Variants in HYCC1 observed in about 807,000 individuals in gnomAD.
HYCC1 encodes the protein hyccin PI4KA lipid kinase complex subunit 1.
At chr7:22,978,241 G>T in the HYCC1 span, 3 of 1,607,122 alleles carry the variant, frequency 1.9e-6, no homozygotes, top group East Asian at 4.5e-5. Flanking sequence ...TGTCAAAAAA[G>T]ATTTTGTTAA....
chr7:22,966,083 C>A, the HYCC1 span, among the ~76,000 whole-genome samples: 1 of 151,804 alleles, frequency 6.6e-6, no homozygotes, highest in Non-Finnish European at 1.5e-5. Context: ...ATTTAAATGA[C>A]AGGGAAAAAA....
At chr7:22,961,992 GA>G in the HYCC1 span, among the ~76,000 whole-genome samples, 1 of 152,000 alleles carries the variant, frequency 6.6e-6, no homozygotes, top group Non-Finnish European at 1.5e-5. Context: ...ACAAAATAAA[GA>G]GGTATAAATT....
the HYCC1 span, among the ~76,000 whole-genome samples, chr7:22,972,869 T>C: frequency 1.3e-5 from 2 of 152,342 alleles, no homozygotes; most frequent in South Asian, 4.1e-4. Flanking sequence ...AATGAATTTG[T>C]GTGAGCATAG....
chr7:22,920,270 G>T, the HYCC1 span, among the ~76,000 whole-genome samples: 3 of 152,096 alleles, frequency 2.0e-5, no homozygotes, highest in Admixed American at 1.3e-4. Flanking sequence ...TCTCTTCAAT[G>T]CTGCAGTGAG....
chr7:22,976,157 G>A, the HYCC1 span: 3 of 1,074,466 alleles, frequency 2.8e-6, no homozygotes, highest in South Asian at 3.7e-5. Flanking sequence ...TACCAGACTA[G>A]CAATCATAGA....
the HYCC1 span, among the ~76,000 whole-genome samples, chr7:22,985,957 T>C: frequency 2.7e-5 from 4 of 150,602 alleles, no homozygotes; most frequent in Non-Finnish European, 5.9e-5. Flanking sequence ...TATATCTAAC[T>C]ATAAAATTGA....
chr7:22,946,093 C>T, the HYCC1 span: 2 of 1,613,404 alleles, frequency 1.2e-6, no homozygotes, highest in African/African-American at 1.3e-5. Context: ...TAGACGCAGC[C>T]CTGGAATAAA....
chr7:22,971,677 CAA>C, the HYCC1 span, among the ~76,000 whole-genome samples: 183 of 91,892 alleles, frequency 2.0e-3, no homozygotes, highest in Middle Eastern at 5.2e-3. Flanking sequence ...CCCCATCTCA[CAA>C]AAAAAAAAAA....
chr7:22,956,888 G>A, the HYCC1 span, among the ~76,000 whole-genome samples: 18 of 151,994 alleles, frequency 1.2e-4, no homozygotes, highest in Non-Finnish European at 2.4e-4. Flanking sequence ...CCAGAGATGC[G>A]TATTCTGAAA....
the HYCC1 span, among the ~76,000 whole-genome samples, chr7:22,933,754 A>G: frequency 2.0e-5 from 3 of 152,144 alleles, no homozygotes; most frequent in Non-Finnish European, 2.9e-5. Context: ...CTCCATCTTT[A>G]CTCATTAATC....
chr7:22,920,725 T>C, the HYCC1 span, among the ~76,000 whole-genome samples: 1 of 152,128 alleles, frequency 6.6e-6, no homozygotes, highest in East Asian at 1.9e-4. Flanking sequence ...CATAAATGCA[T>C]ATTTCTTCTT....
the HYCC1 span, among the ~76,000 whole-genome samples, chr7:22,924,917 C>A: frequency 2.0e-5 from 3 of 152,256 alleles, no homozygotes; most frequent in African/African-American, 7.2e-5. Flanking sequence ...AGTAGCCTAA[C>A]TGGGAGGCAC....
the HYCC1 span, among the ~76,000 whole-genome samples, chr7:22,896,737 C>T: frequency 7.2e-5 from 11 of 152,102 alleles, no homozygotes; most frequent in Admixed American, 1.3e-4. Context: ...TTTTCCTCTT[C>T]CCAAAGGAGG....
chr7:22,942,537 C>T, the HYCC1 span: 1 of 152,150 alleles, frequency 6.6e-6, no homozygotes, highest in African/African-American at 2.4e-5. Context: ...CCAGAATACT[C>T]CAGGCCGTTG....
the HYCC1 span, among the ~76,000 whole-genome samples, chr7:22,919,119 A>C: frequency 6.6e-6 from 1 of 152,236 alleles, no homozygotes; most frequent in African/African-American, 2.4e-5. Flanking sequence ...TGAGGCATAC[A>C]TGGGAACAAA....
At chr7:22,983,328 C>CAAAAA in the HYCC1 span, among the ~76,000 whole-genome samples, 284 of 111,188 alleles carry the variant, frequency 2.6e-3, 2 homozygotes, top group African/African-American at 0.01. Flanking sequence ...GACCCTGTCT[C>CAAAAA]AAAAAAAAAA....
the HYCC1 span, among the ~76,000 whole-genome samples, chr7:22,930,731 C>G: frequency 2.0e-5 from 3 of 151,924 alleles, no homozygotes; most frequent in Non-Finnish European, 2.9e-5. Context: ...ACTAGCAAAT[C>G]AAATAATCAA....
the HYCC1 span, among the ~76,000 whole-genome samples, chr7:22,917,550 C>T: frequency 6.6e-6 from 1 of 152,180 alleles, no homozygotes; most frequent in Non-Finnish European, 1.5e-5. Context: ...ACCTCTTGGT[C>T]TGGGTAGACA....
the HYCC1 span, among the ~76,000 whole-genome samples, chr7:23,010,779 T>C: frequency 1.4e-3 from 218 of 152,366 alleles, no homozygotes; most frequent in African/African-American, 5.0e-3. Context: ...CCTGAGATTA[T>C]TGTAAATTAT....
Sources: gnomAD v4.1 joint callset for allele counts (sites outside exome capture counted in the v4.1 genomes callset) on GRCh38, gnomAD v4.1.1 for gene constraint, MANE v1.5 for transcripts, NCBI Gene and HGNC (gene_info 2026-07-23, HGNC 2026-07-21) for gene names.